Variants in ENTREP2 observed in about 807,000 individuals in gnomAD.
The protein encoded by ENTREP2 is protein ENTREP2.
chr15:29,312,343 A>AAG, the ENTREP2 span, among the ~76,000 whole-genome samples: 2 of 152,174 alleles, frequency 1.3e-5, no homozygotes, highest in Admixed American at 6.5e-5. Context: ...CCAAAAAAAA[A>AAG]AAAGAAAGAA....
the ENTREP2 span, among the ~76,000 whole-genome samples, chr15:29,262,080 G>GAA: frequency 3.3e-4 from 18 of 54,306 alleles, no homozygotes; most frequent in Middle Eastern, 0.012. Context: ...AATGGCTCCA[G>GAA]AAAAAAAAAA....
chr15:29,634,206 G>A, the ENTREP2 span, among the ~76,000 whole-genome samples: 3 of 152,106 alleles, frequency 2.0e-5, no homozygotes, highest in Non-Finnish European at 4.4e-5. Flanking sequence ...CGGTGTGCAG[G>A]AGGATTAGCC....
the ENTREP2 span, among the ~76,000 whole-genome samples, chr15:29,226,355 T>A: frequency 6.6e-6 from 1 of 152,206 alleles, no homozygotes; most frequent in Non-Finnish European, 1.5e-5. Context: ...TCTCTTTATC[T>A]ATAATAATAG....
chr15:29,242,919 G>A, the ENTREP2 span, among the ~76,000 whole-genome samples: 2 of 152,324 alleles, frequency 1.3e-5, no homozygotes, highest in African/African-American at 2.4e-5. Context: ...GTGGTGCAGC[G>A]TGCAGGGGCA....
the ENTREP2 span, among the ~76,000 whole-genome samples, chr15:29,660,866 G>A: frequency 6.6e-6 from 1 of 152,178 alleles, no homozygotes; most frequent in Non-Finnish European, 1.5e-5. Flanking sequence ...TGTGAAACCT[G>A]CATACACAAA....
chr15:29,177,654 G>A, the ENTREP2 span, among the ~76,000 whole-genome samples: 1 of 152,154 alleles, frequency 6.6e-6, no homozygotes, highest in South Asian at 2.1e-4. Context: ...ATCTGGACTC[G>A]TGAGGCTGAT....
the ENTREP2 span, among the ~76,000 whole-genome samples, chr15:29,531,387 T>C: frequency 6.6e-6 from 1 of 152,080 alleles, no homozygotes; most frequent in African/African-American, 2.4e-5. Flanking sequence ...AAGCTTTTGG[T>C]AACTGAAAGT....
At chr15:29,142,233 T>C in the ENTREP2 span, among the ~76,000 whole-genome samples, 7 of 152,000 alleles carry the variant, frequency 4.6e-5, no homozygotes, top group Non-Finnish European at 1.0e-4. Context: ...CTGCAAGAAA[T>C]ACACCCAGAC....
chr15:29,321,103 A>C, the ENTREP2 span, among the ~76,000 whole-genome samples: 2 of 152,142 alleles, frequency 1.3e-5, no homozygotes, highest in African/African-American at 4.8e-5. Context: ...AGAAGCTTGG[A>C]GAACCCAAAC....
the ENTREP2 span, among the ~76,000 whole-genome samples, chr15:29,609,319 C>T: frequency 3.3e-5 from 5 of 150,240 alleles, 1 homozygote; most frequent in African/African-American, 1.2e-4. Flanking sequence ...CTGAATTTTG[C>T]TATCACAATC....
At chr15:29,269,526 C>T in the ENTREP2 span, 2 of 1,543,372 alleles carry the variant, frequency 1.3e-6, no homozygotes, top group East Asian at 2.5e-5. Flanking sequence ...AGGGGCCCTG[C>T]GACCCCTGCG....
the ENTREP2 span, among the ~76,000 whole-genome samples, chr15:29,186,149 G>A: frequency 6.6e-6 from 1 of 152,152 alleles, no homozygotes; most frequent in African/African-American, 2.4e-5. Flanking sequence ...ATCTATGCTG[G>A]ACCATCTTCG....
At chr15:29,500,972 G>A in the ENTREP2 span, among the ~76,000 whole-genome samples, 1 of 151,858 alleles carries the variant, frequency 6.6e-6, no homozygotes, top group Non-Finnish European at 1.5e-5. Flanking sequence ...AGATGAAATG[G>A]ACAAATTCTT....
At chr15:29,500,256 C>G in the ENTREP2 span, among the ~76,000 whole-genome samples, 1 of 152,024 alleles carries the variant, frequency 6.6e-6, no homozygotes, top group Non-Finnish European at 1.5e-5. Context: ...AACTTGACAT[C>G]TATAGAACAC....
chr15:29,415,678 G>A, the ENTREP2 span, among the ~76,000 whole-genome samples: 3 of 152,106 alleles, frequency 2.0e-5, no homozygotes, highest in African/African-American at 7.2e-5. Flanking sequence ...GGAGATAAAC[G>A]GCATTCAATT....
At chr15:29,570,642 G>C in the ENTREP2 span, 1 of 1,374,276 alleles carries the variant, frequency 7.3e-7, no homozygotes, top group East Asian at 3.3e-5. Context: ...ATGCGGGAGC[G>C]GCCCGGGCAC....
chr15:29,336,009 T>A, the ENTREP2 span, among the ~76,000 whole-genome samples: 1 of 151,624 alleles, frequency 6.6e-6, no homozygotes, highest in Non-Finnish European at 1.5e-5. Flanking sequence ...GGGCCTGGTG[T>A]CGGGCGCCTG....
the ENTREP2 span, among the ~76,000 whole-genome samples, chr15:29,241,280 C>T: frequency 1.3e-5 from 2 of 152,126 alleles, no homozygotes; most frequent in African/African-American, 4.8e-5. Context: ...GATGAAGCAG[C>T]CCCCTAGATA....
the ENTREP2 span, among the ~76,000 whole-genome samples, chr15:29,594,833 G>A: frequency 3.9e-5 from 6 of 151,980 alleles, no homozygotes; most frequent in African/African-American, 1.2e-4. Context: ...TTGGGAGGCC[G>A]AGGCGGGCGG....
Sources: gnomAD v4.1 joint callset for allele counts (sites outside exome capture counted in the v4.1 genomes callset) on GRCh38, gnomAD v4.1.1 for gene constraint, MANE v1.5 for transcripts, NCBI Gene and HGNC (gene_info 2026-07-23, HGNC 2026-07-21) for gene names.